GRID1: variants seen among roughly 807,000 people sequenced by gnomAD.
GRID1 encodes the protein glutamate ionotropic receptor delta type subunit 1, also known as glutamate receptor ionotropic, delta-1.
Under a neutral mutation model 98.0 loss-of-function variants are expected in GRID1, and 28 were observed. The observed-to-expected ratio is 0.29, with a 90% CI of 0.21 to 0.39. GRID1 has a LOEUF of 0.39. Among genes scored for constraint, GRID1 ranks in the 10% least tolerant of loss-of-function variants. The probability of loss-of-function intolerance (pLI) is 1.00; values close to 1 mark genes in which losing one functional copy is unlikely to be tolerated. For synonymous variants in GRID1, 553 were observed against 538.5 expected, an observed-to-expected ratio of 1.03 and a Z score of -0.37; for missense variants, 1,111 against 1,340.5, an observed-to-expected ratio of 0.83 and a Z score of 2.67.
At chr10:86,108,538 C>T (rs1284523779) in intron 4 of GRID1, among the ~76,000 whole-genome samples, 1 of 152,148 alleles carries the variant, frequency 6.6e-6, no homozygotes, top group African/African-American at 2.4e-5. Context: ...CATGTGCACA[C>T]AGACATGTAT....
intron 12 of GRID1, among the ~76,000 whole-genome samples, chr10:85,718,187 G>A (rs1002331758): frequency 6.6e-6 from 1 of 152,228 alleles, no homozygotes; most frequent in African/African-American, 2.4e-5. Flanking sequence ...CCCCAGTAGG[G>A]ACTCTGTGTA....
chr10:85,671,123 C>T (rs942276938), intron 12 of GRID1, among the ~76,000 whole-genome samples: 1 of 152,236 alleles, frequency 6.6e-6, no homozygotes. Context: ...GTCAACAGAA[C>T]TCTACTGCCA....
chr10:86,234,360 C>G (rs1468591798), intron 2 of GRID1, among the ~76,000 whole-genome samples: 2 of 152,170 alleles, frequency 1.3e-5, no homozygotes, highest in Non-Finnish European at 2.9e-5. Context: ...GCCCTGCTCC[C>G]CAGTGGAGCC....
At chr10:86,126,003 T>A (rs1292680194) in intron 4 of GRID1, among the ~76,000 whole-genome samples, 2 of 152,272 alleles carry the variant, frequency 1.3e-5, no homozygotes, top group East Asian at 3.9e-4. Context: ...TATACACAGA[T>A]TTTTGACTGC....
intron 4 of GRID1, among the ~76,000 whole-genome samples, chr10:86,079,423 C>CGCTCCAGG (rs900354469): frequency 2.1e-4 from 32 of 152,210 alleles, no homozygotes; most frequent in Admixed American, 1.8e-3. Context: ...TCATGCATTT[C>CGCTCCAGG]GCTCCAGGGC....
chr10:85,882,171 G>A (rs1244829668), intron 5 of GRID1, among the ~76,000 whole-genome samples: 2 of 152,184 alleles, frequency 1.3e-5, no homozygotes, highest in African/African-American at 4.8e-5. Context: ...TTACACCATT[G>A]GTGGGACTGT....
intron 13 of GRID1, among the ~76,000 whole-genome samples, chr10:85,642,640 G>C (rs960838014): frequency 6.6e-6 from 1 of 152,146 alleles, no homozygotes; most frequent in Admixed American, 6.5e-5. Flanking sequence ...GTGTGTTGTC[G>C]TCTCTTAATA....
Position 85,729,647 on chromosome 10 carries a change from G to T in GRID1, c.1234-33C>A, listed in dbSNP as rs112663547. 20 of 1,391,928 alleles carry T rather than the reference G, an allele frequency of 1.4e-5. No individual in the cohort carries two copies. In the African/African-American group the frequency reaches 1.7e-4, roughly 12 times the overall value. The allele number at this position is 1,391,928 out of a possible 1,614,324, so 86.2% of individuals were successfully genotyped here. A position where few individuals can be genotyped will look rare whatever the true frequency, so the allele number is the denominator to read the frequency against. ...GGAAAAATAAAGATTGTGAGGGATGGAACTGGCACCCGTGCACACCATAGG... is the reference window on the plus strand; with the variant it reads ...GGAAAAATAAAGATTGTGAGGGATGTAACTGGCACCCGTGCACACCATAGG... On this transcript the variant is annotated intron_variant, in intron 8 of 15. Transcript: ENST00000327946.
At chr10:85,828,058 A>T (rs983877496) in intron 8 of GRID1, among the ~76,000 whole-genome samples, 4 of 151,386 alleles carry the variant, frequency 2.6e-5, no homozygotes, top group African/African-American at 7.3e-5. Context: ...TCAGCAAATT[A>T]AAAAAAAATG....
intron 4 of GRID1, among the ~76,000 whole-genome samples, chr10:86,065,490 T>A (rs983358606): frequency 6.6e-6 from 1 of 152,244 alleles, no homozygotes; most frequent in African/African-American, 2.4e-5. Flanking sequence ...CCCAGCCACA[T>A]GCATTCAAAT....
At chr10:86,308,253 C>G (rs1312413241) in intron 2 of GRID1, among the ~76,000 whole-genome samples, 1 of 152,194 alleles carries the variant, frequency 6.6e-6, no homozygotes, top group South Asian at 2.1e-4. Flanking sequence ...AAACTGAGCC[C>G]ACCTCTGAGT....
At chr10:86,179,552 C>G (rs1248553919) in intron 3 of GRID1, among the ~76,000 whole-genome samples, 2 of 152,206 alleles carry the variant, frequency 1.3e-5, no homozygotes, top group African/African-American at 4.8e-5. Context: ...CCACAGAGAA[C>G]TGCATTTCAT....
rs149265955 is a variant in GRID1 at position 85,978,516 on chromosome 10, T to C, written c.727-62277A>G. 5.3e-5 allele frequency among the ~76,000 whole-genome samples: 8 copies of C among 152,270 alleles called. No individual in the cohort carries two copies. The East Asian group carries it at 1.5e-3, about 29-fold the overall frequency. ...CAGTAAGAGCAAAAAGGGAAACACA[T>C]TGTTACACTGATCACATTACCAGGA... On this transcript the variant is annotated intron_variant, in intron 4 of 15. Coordinates refer to ENST00000327946, the MANE Select transcript of GRID1 (RefSeq NM_017551.3).
chr10:85,772,753 C>A lies in GRID1; in HGVS notation c.1234-43139G>T, dbSNP rs554970244. ...ATGGATAAATTCCTCGACACATACACCCTCCCAAGACTAAACTAGGAAGAA... is the reference window on the plus strand; with the variant it reads ...ATGGATAAATTCCTCGACACATACAACCTCCCAAGACTAAACTAGGAAGAA... On this transcript the variant is annotated intron_variant, in intron 8 of 15. Coordinates refer to ENST00000327946, the MANE Select transcript of GRID1 (RefSeq NM_017551.3). Among the ~76,000 whole-genome samples the A allele has an allele frequency of 3.7e-3, 559 of 152,306 alleles. 4 individuals are homozygous for A. Among genetic ancestry groups the A allele is most frequent in the African/African-American group, 0.013 (525 of 41,552 alleles).
At chr10:85,798,971 T>A (rs972723322) in intron 8 of GRID1, among the ~76,000 whole-genome samples, 1 of 152,144 alleles carries the variant, frequency 6.6e-6, no homozygotes, top group South Asian at 2.1e-4. Context: ...TTTCTGGTAG[T>A]TTCATAGTTT....
chr10:85,870,186 C>G lies in GRID1; in HGVS notation c.781-1006G>C, dbSNP rs148033303. On this transcript the variant is annotated intron_variant, in intron 5 of 15. Coordinates refer to ENST00000327946, the MANE Select transcript of GRID1 (RefSeq NM_017551.3). Reference sequence around the variant, plus strand: ...AGCTGCCAGCATAGGTAGAATAAAGCAGGCAGAAGAAGCTGGAAAGAGCAG... The same window carrying G: ...AGCTGCCAGCATAGGTAGAATAAAGGAGGCAGAAGAAGCTGGAAAGAGCAG... Among the ~76,000 whole-genome samples, 320 of 152,346 alleles carry G rather than the reference C, an allele frequency of 2.1e-3. 2 individuals carry two copies. Among genetic ancestry groups the G allele is most frequent in the African/African-American group, 7.2e-3 (301 of 41,580 alleles).
chr10:86,302,198 T>C (rs1388453068), intron 2 of GRID1, among the ~76,000 whole-genome samples: 7 of 152,224 alleles, frequency 4.6e-5, no homozygotes, highest in Admixed American at 3.9e-4. Flanking sequence ...AGGCAGATCC[T>C]GGACATGAAC....
intron 4 of GRID1, among the ~76,000 whole-genome samples, chr10:85,964,609 T>C (rs1001681390): frequency 6.6e-6 from 1 of 152,164 alleles, no homozygotes; most frequent in African/African-American, 2.4e-5. Context: ...TGAAACTGGA[T>C]CCCTTCCTTA....
At chr10:85,628,112 T>A (rs752970053) in intron 13 of GRID1, among the ~76,000 whole-genome samples, 17 of 151,834 alleles carry the variant, frequency 1.1e-4, no homozygotes, top group Non-Finnish European at 4.4e-5. Context: ...CACGTGAGAA[T>A]GTATGGGTGG....
Sources: gnomAD v4.1 joint callset for allele counts (sites outside exome capture counted in the v4.1 genomes callset) on GRCh38, gnomAD v4.1.1 for gene constraint, MANE v1.5 for transcripts, NCBI Gene and HGNC (gene_info 2026-07-23, HGNC 2026-07-21) for gene names.